Variants in PLAA observed in about 807,000 individuals in gnomAD.
PLAA encodes phospholipase A2 activating protein, also known as phospholipase A-2-activating protein.
A neutral mutation model predicts 84.1 loss-of-function variants in PLAA; 48 were observed. The observed-to-expected ratio is 0.57, with a 90% confidence interval of 0.45 to 0.73. The LOEUF (loss-of-function observed/expected upper bound fraction) is 0.73, where lower values mean the gene tolerates loss of function less well. PLAA is among the 30% of genes least tolerant of loss of function. PLAA has a pLI of 0.00. For synonymous variants in PLAA, 392 were observed against 336.6 expected, an observed-to-expected ratio of 1.16 and a Z score of -1.80; for missense variants, 903 against 954.7, an observed-to-expected ratio of 0.95 and a Z score of 0.71.
intron 2 of PLAA, among the ~76,000 whole-genome samples, chr9:26,930,507 G>T (rs988790164): frequency 6.6e-6 from 1 of 151,930 alleles, no homozygotes; most frequent in African/African-American, 2.4e-5. Context: ...AAAATCTGAT[G>T]AACAGAGTCC....
At chr9:26,924,034 GA>G (rs749593513) in intron 6 of PLAA, among the ~76,000 whole-genome samples, 2 of 151,928 alleles carry the variant, frequency 1.3e-5, no homozygotes, top group South Asian at 2.1e-4. Context: ...GCTTAGGAGG[GA>G]AAAAAACTAA....
chr9:26,930,892 A>C (rs1825162237), intron 2 of PLAA, among the ~76,000 whole-genome samples: 1 of 152,030 alleles, frequency 6.6e-6, no homozygotes, highest in Non-Finnish European at 1.5e-5. Flanking sequence ...CTGAGATCTT[A>C]ATAGTTGTAA....
chr9:26,906,222 A>G (rs1587144643), intron 13 of PLAA, 146 bp from the exon 14 acceptor site: 1 of 519,498 alleles, frequency 1.9e-6, no homozygotes, highest in East Asian at 3.1e-5. Flanking sequence ...AAAAAAATGC[A>G]TATATTTCTG....
rs932687152 is a variant in PLAA at position 26,903,872 on chromosome 9, T to C, written c.*1639A>G. Reference sequence around the variant, plus strand: ...TAACCAAGACTGTTTCTTATCATTATTCAAAGGTACCTACTTTTCCTAAAT... The same window carrying C: ...TAACCAAGACTGTTTCTTATCATTACTCAAAGGTACCTACTTTTCCTAAAT... On this transcript the variant is annotated 3_prime_UTR_variant, in exon 14 of 14. Coordinates refer to ENST00000397292, the MANE Select transcript of PLAA (RefSeq NM_001031689.3). Among the ~76,000 whole-genome samples the C allele has an allele frequency of 6.6e-6, 1 of 152,220 alleles. No individual in the cohort carries two copies. Among genetic ancestry groups the C allele is most frequent in the African/African-American group, 2.4e-5 (1 of 41,462 alleles).
At chr9:26,941,186 G>A (rs892338308) in intron 1 of PLAA, among the ~76,000 whole-genome samples, 28 of 150,724 alleles carry the variant, frequency 1.9e-4, no homozygotes, top group Non-Finnish European at 3.2e-4. Context: ...AAACACGGGG[G>A]GTGGGGGAGG....
At chr9:26,911,728 T>A (rs895084291) in intron 11 of PLAA, among the ~76,000 whole-genome samples, 4 of 152,246 alleles carry the variant, frequency 2.6e-5, no homozygotes, top group Non-Finnish European at 5.9e-5. Context: ...AACTAAAGTA[T>A]AATTTAAATC....
At chr9:26,910,297 C>T (rs1824359512) in intron 12 of PLAA, 41 bp downstream of exon 12, 3 of 1,426,400 alleles carry the variant, frequency 2.1e-6, no homozygotes, top group South Asian at 1.1e-5. Context: ...ACATCTCAAA[C>T]AGTCTGTGAA....
chr9:26,907,896 G>C lies in PLAA; in HGVS notation c.1760C>G (p.Ser587Cys). ...TTGCTGGACTGTGGGTTTTTCTGAA[G>C]AACTATTACATATTAGAGACAGTAT... Reference protein sequence around the residue: ...EKILSLICNSSSEKPTVQQLQ... With the variant: ...EKILSLICNSCSEKPTVQQLQ... Residue 587 changes from serine (S) to cysteine (C), a missense_variant, in exon 13 of 14, where the codon TCT becomes TGT. Transcript: ENST00000397292. 1 of 1,611,760 alleles carries C rather than the reference G, an allele frequency of 6.2e-7. No individual in the cohort carries two copies. Among genetic ancestry groups the C allele is most frequent in the African/African-American group, 1.3e-5 (1 of 74,868 alleles).
intron 7 of PLAA, among the ~76,000 whole-genome samples, chr9:26,922,043 T>C (rs553419081): frequency 2.6e-5 from 4 of 152,346 alleles, no homozygotes; most frequent in Admixed American, 6.5e-5. Context: ...ACCGTAGTCA[T>C]TCTTTCAAAT....
At chr9:26,916,559 A>T in intron 10 of PLAA, 5 of 987,094 alleles carry the variant, frequency 5.1e-6, no homozygotes, top group Non-Finnish European at 6.0e-6. Context: ...CTTCCATGTT[A>T]AGTCAAAATA....
chr9:26,910,604 T>C, intron 11 of PLAA, among the ~76,000 whole-genome samples, 165 bp from the exon 12 acceptor site: 1 of 151,730 alleles, frequency 6.6e-6, no homozygotes, highest in East Asian at 1.9e-4. Context: ...TTTTGTATAA[T>C]TTATATTTAT....
At chr9:26,932,284 C>T (rs569025028) in intron 2 of PLAA, among the ~76,000 whole-genome samples, 248 of 152,220 alleles carry the variant, frequency 1.6e-3, no homozygotes, top group African/African-American at 5.4e-3. Flanking sequence ...ACGTGAGTGT[C>T]CTTATCTTTT....
chr9:26,933,779 A>G (rs1221689118), intron 2 of PLAA, among the ~76,000 whole-genome samples: 1 of 129,520 alleles, frequency 7.7e-6, no homozygotes, highest in Non-Finnish European at 1.6e-5. Flanking sequence ...ACAGAGCGAG[A>G]CTCTGCCTCA....
intron 10 of PLAA, chr9:26,916,623 G>A (rs1824570221): frequency 7.1e-6 from 7 of 989,150 alleles, no homozygotes; most frequent in Non-Finnish European, 8.4e-6. Context: ...GGGCTCACAT[G>A]GCTCCTTCTC....
chr9:26,923,040 T>C, intron 7 of PLAA, 138 bp downstream of exon 7: 1 of 602,874 alleles, frequency 1.7e-6, no homozygotes, highest in Non-Finnish European at 2.9e-6. Context: ...TCATAGTGAT[T>C]ATATGTAATA....
intron 2 of PLAA, 143 bp from the exon 3 acceptor site, chr9:26,928,551 A>G (rs1188224449): frequency 1.3e-5 from 9 of 673,790 alleles, no homozygotes; most frequent in Admixed American, 4.4e-5. Context: ...GCAGAGACGC[A>G]TAAGAGTACA....
intron 2 of PLAA, among the ~76,000 whole-genome samples, chr9:26,933,218 A>C (rs1213743355): frequency 6.6e-6 from 1 of 151,978 alleles, no homozygotes; most frequent in Admixed American, 6.6e-5. Flanking sequence ...CAGTGAGCCA[A>C]GATCACGCCA....
intron 2 of PLAA, among the ~76,000 whole-genome samples, chr9:26,931,036 C>T (rs1438289081): frequency 6.6e-6 from 1 of 150,466 alleles, no homozygotes; most frequent in East Asian, 2.0e-4. Flanking sequence ...AAGAAGTGTA[C>T]AAACTGAACC....
chr9:26,946,707 G>A (rs1285252160), intron 1 of PLAA, among the ~76,000 whole-genome samples, 190 bp downstream of exon 1: 2 of 152,204 alleles, frequency 1.3e-5, no homozygotes, highest in African/African-American at 4.8e-5. Context: ...CCCCAACCCT[G>A]TGCTCTTTCC....
Sources: gnomAD v4.1 joint callset for allele counts (sites outside exome capture counted in the v4.1 genomes callset) on GRCh38, gnomAD v4.1.1 for gene constraint, MANE v1.5 for transcripts, NCBI Gene and HGNC (gene_info 2026-07-23, HGNC 2026-07-21) for gene names.